Variants in ANK2 observed in about 807,000 individuals in gnomAD.
ANK2 encodes the protein ankyrin-2.
Under a neutral mutation model 360.5 loss-of-function variants are expected in ANK2, and 83 were observed. The ratio of observed to expected loss-of-function variants is 0.23; its 90% CI spans 0.19 to 0.28. The LOEUF is 0.28. Among genes scored for constraint, ANK2 ranks in the 10% least tolerant of loss-of-function variants. The pLI is 1.00. For synonymous variants in ANK2, 1,740 were observed against 1,759.5 expected (o/e 0.99, Z 0.28); for missense variants, 4,201 against 4,795.7 (o/e 0.88, Z 3.66).
At chr4:113,288,132 C>G (rs1291686536) in intron 19 of ANK2, among the ~76,000 whole-genome samples, 1 of 152,172 alleles carries the variant, frequency 6.6e-6, no homozygotes, top group Non-Finnish European at 1.5e-5. Flanking sequence ...GTCATTCTGT[C>G]TTTGCTGTTT....
chr4:113,261,133 T>A (rs1042690328), intron 13 of ANK2, among the ~76,000 whole-genome samples: 1 of 152,184 alleles, frequency 6.6e-6, no homozygotes. Context: ...TGTTTTTGCC[T>A]GAAAATTCAC....
At chr4:112,864,913 C>G (rs190457141) in intron 1 of ANK2, among the ~76,000 whole-genome samples, 1 of 150,754 alleles carries the variant, frequency 6.6e-6, no homozygotes, top group Non-Finnish European at 1.5e-5. Flanking sequence ...GCGCCTGTAG[C>G]TCCAGCTACT....
In ANK2 at chr4:113,336,752, C is replaced by A. The variant is rs764537997; in HGVS notation, c.3767C>A (p.Pro1256Gln). ...VMLNGFGGDA[P>Q]TLRLLCSITG... Reference sequence around the variant, plus strand: ...TTGAATGGTTTTGGGGGAGATGCACCAACCTTAAGATTACTATGCAGCATA... The same window carrying A: ...TTGAATGGTTTTGGGGGAGATGCACAAACCTTAAGATTACTATGCAGCATA... Residue 1256 changes from proline to glutamine, a missense_variant, in exon 31 of 46, where the codon CCA (proline) becomes CAA (glutamine). This residue lies in a region of ANK2 where 1,268 missense variants were observed against 1,650.8 expected (regional missense o/e 0.77). Transcript: ENST00000357077. The A allele has an allele frequency of 1.9e-6, 3 of 1,613,938 alleles. No individual in the cohort carries two copies. Among genetic ancestry groups the A allele is most frequent in the Non-Finnish European group, 2.5e-6 (3 of 1,179,998 alleles).
intron 2 of ANK2, among the ~76,000 whole-genome samples, chr4:113,002,002 T>TTTTATTTATTTATTTA (rs140994396): frequency 6.6e-6 from 1 of 150,902 alleles, no homozygotes; most frequent in Non-Finnish European, 1.5e-5. Context: ...CATCCGTTTC[T>TTTTATTTATTTATTTA]TTTATTTATT....
the ANK2 span, among the ~76,000 whole-genome samples, chr4:112,718,123 C>G: frequency 6.6e-6 from 1 of 152,232 alleles, no homozygotes; most frequent in Admixed American, 6.5e-5. Flanking sequence ...ATCACATTCT[C>G]TCCTGCCTAT....
In ANK2 at chr4:113,357,601, A is replaced by G. The variant is rs879249653; in HGVS notation, c.8983A>G (p.Met2995Val). Residue 2995 changes from methionine to valine, a missense_variant, in exon 38 of 46, where the codon ATG becomes GTG. By Grantham distance (21) the Met-to-Val change is conservative. Around this residue, in one of 4 missense-constraint regions of ANK2, gnomAD observed 2,642 missense variants for 2,714.5 expected, o/e 0.97. Transcript: ENST00000357077. ...ESNFEGQDIK[M>V]ESQQESTLWE... ...TAATTTTGAGGGCCAGGACATAAAA[A>G]TGGAATCCCAACAGGAAAGTACCTT... 3 of 1,614,188 alleles carry G rather than the reference A, an allele frequency of 1.9e-6. No homozygotes were observed. Among genetic ancestry groups the G allele is most frequent in the Non-Finnish European group, 8.5e-7 (1 of 1,179,996 alleles).
the ANK2 span, among the ~76,000 whole-genome samples, chr4:112,751,443 C>T: frequency 6.6e-6 from 1 of 152,162 alleles, no homozygotes; most frequent in Non-Finnish European, 1.5e-5. Flanking sequence ...GACTAAAAGG[C>T]GACTTAAGGC....
intron 45 of ANK2, among the ~76,000 whole-genome samples, chr4:113,378,346 T>G (rs1229733564): frequency 6.6e-6 from 1 of 152,206 alleles, no homozygotes; most frequent in Non-Finnish European, 1.5e-5. Context: ...TATTGAAGTA[T>G]CATCCCTGAA....
At chr4:113,042,226 C>T (rs2154314906) in intron 2 of ANK2, among the ~76,000 whole-genome samples, 1 of 152,234 alleles carries the variant, frequency 6.6e-6, no homozygotes, top group Middle Eastern at 3.4e-3. Context: ...CCTCAGACAT[C>T]AGTTTCCAGT....
chr4:113,180,435 T>A (rs2098379378), intron 2 of ANK2, among the ~76,000 whole-genome samples: 1 of 152,216 alleles, frequency 6.6e-6, no homozygotes, highest in South Asian at 2.1e-4. Context: ...TAATGTAATT[T>A]TTTTATATTG....
chr4:113,127,161 T>G (rs1347785871), intron 1 of ANK2, among the ~76,000 whole-genome samples: 1 of 152,194 alleles, frequency 6.6e-6, no homozygotes, highest in Non-Finnish European at 1.5e-5. Flanking sequence ...CTTTCATGTC[T>G]TAGAAAAACA....
chr4:112,852,128 A>G (rs1179318456), intron 1 of ANK2, among the ~76,000 whole-genome samples: 4 of 152,186 alleles, frequency 2.6e-5, no homozygotes, highest in African/African-American at 7.2e-5. Flanking sequence ...GTCTTCCTCT[A>G]TTGCTCTAAT....
intron 2 of ANK2, among the ~76,000 whole-genome samples, chr4:113,195,368 C>T (rs955046476): frequency 6.7e-6 from 1 of 150,184 alleles, no homozygotes; most frequent in Non-Finnish European, 1.5e-5. Context: ...GTATGACTCA[C>T]AGTCATTCTT....
intron 20 of ANK2, among the ~76,000 whole-genome samples, chr4:113,290,166 TTTTTG>T (rs1227603109): frequency 6.8e-6 from 1 of 147,338 alleles, no homozygotes; most frequent in Non-Finnish European, 1.5e-5. Flanking sequence ...ATTTCAGTTT[TTTTTG>T]TTTTTTTTTT....
chr4:112,823,277 T>C (rs1389264449), intron 1 of ANK2, among the ~76,000 whole-genome samples: 1 of 152,190 alleles, frequency 6.6e-6, no homozygotes, highest in Non-Finnish European at 1.5e-5. Context: ...TGTAGTGATA[T>C]ATTGGGAGAA....
At chr4:113,271,178 C>G (rs1055937875) in intron 14 of ANK2, among the ~76,000 whole-genome samples, 1 of 152,238 alleles carries the variant, frequency 6.6e-6, no homozygotes, top group African/African-American at 2.4e-5. Context: ...CCCTCTTCCT[C>G]CCATCCGAAC....
intron 1 of ANK2, among the ~76,000 whole-genome samples, chr4:113,170,344 C>T (rs1002012934): frequency 3.3e-5 from 5 of 152,148 alleles, no homozygotes; most frequent in Non-Finnish European, 7.3e-5. Context: ...ACTTTTGGCT[C>T]GTCATGTCCT....
chr4:113,357,027 A>G lies in ANK2; in HGVS notation c.8409A>G (p.Glu2803=), dbSNP rs74743698. 3 of 1,613,918 alleles carry G rather than the reference A, an allele frequency of 1.9e-6. No homozygotes were observed. Among genetic ancestry groups the G allele is most frequent in the Non-Finnish European group, 2.5e-6 (3 of 1,179,970 alleles). The change falls in exon 38 of 46, where the codon GAA becomes GAG. Residue 2803 remains glutamate (E), a synonymous_variant. Coordinates refer to ENST00000357077, the MANE Select transcript of ANK2 (RefSeq NM_001148.6). ...GTCCGACTGGTGATGATGTTGATGA[A>G]CAGCCAGTCATCTATAAAGAATCAT... ...LQSPTGDDVD[E]QPVIYKESLA...
rs766993882 is a variant in ANK2, at chr4:113,354,061, T to G, written c.5443T>G (p.Ser1815Ala). Residue 1815 changes from serine (S) to alanine (A), a missense_variant, in exon 38 of 46, where the codon TCA becomes GCA. Around this residue, in one of 4 missense-constraint regions of ANK2, gnomAD observed 2,642 missense variants for 2,714.5 expected, o/e 0.97. Coordinates refer to ENST00000357077, the MANE Select transcript of ANK2 (RefSeq NM_001148.6). ...TCCAGCTGCGTCACCCTCTCTGAAG[T>G]CAGAGAGACATGCGCCAGGGTCTCC... Reference protein sequence around the residue: ...PHPAASPSLKSERHAPGSPSP... With the variant: ...PHPAASPSLKAERHAPGSPSP... 1.2e-6 allele frequency: 2 copies of G among 1,613,988 alleles called. No homozygotes were observed. Among genetic ancestry groups the G allele is most frequent in the Non-Finnish European group, 1.7e-6 (2 of 1,179,976 alleles).
Sources: gnomAD v4.1 joint callset for allele counts (sites outside exome capture counted in the v4.1 genomes callset) on GRCh38, gnomAD v4.1.1 for gene constraint, gnomAD v4.1.1 regional missense constraint, MANE v1.5 for transcripts, NCBI Gene and HGNC (gene_info 2026-07-23, HGNC 2026-07-21) for gene names.